Variants in RAB12 observed in about 807,000 individuals in gnomAD.
RAB12 encodes RAB12, member RAS oncogene family, also known as ras-related protein Rab-12.
RAB12 carries 11 observed loss-of-function variants against 28.4 expected under a neutral mutation model. The ratio of observed to expected loss-of-function variants is 0.39; its 90% CI spans 0.24 to 0.64. The LOEUF (loss-of-function observed/expected upper bound fraction) is 0.64, where lower values mean the gene tolerates loss of function less well. Among genes scored for constraint, RAB12 ranks in the 30% least tolerant of loss-of-function variants. The probability of loss-of-function intolerance (pLI) is 0.50; values close to 1 mark genes in which losing one functional copy is unlikely to be tolerated. For missense variants in RAB12, 276 were observed against 351.1 expected, an observed-to-expected ratio of 0.79 and a Z score of 1.71; for synonymous variants, 138 against 145.3, an observed-to-expected ratio of 0.95 and a Z score of 0.36.
intron 1 of RAB12, among the ~76,000 whole-genome samples, chr18:8,613,826 TA>T (rs2096005176): frequency 8.3e-6 from 1 of 120,676 alleles, no homozygotes; most frequent in Admixed American, 9.2e-5. Context: ...TGCCTATAAA[TA>T]GAAGTAGTAG....
chr18:8,636,914 TTA>T (rs766317839), intron 5 of RAB12, among the ~76,000 whole-genome samples: 2 of 152,200 alleles, frequency 1.3e-5, no homozygotes, highest in African/African-American at 2.4e-5. Flanking sequence ...GAACTGAAGT[TTA>T]TGTTATTAAG....
In RAB12 at chr18:8,620,122, C is replaced by CT. The variant is rs1305957741; in HGVS notation, c.515-4806dup. Among the ~76,000 whole-genome samples, 159 of 29,296 alleles carry CT rather than the reference C, an allele frequency of 5.4e-3. 3 individuals carry two copies. In the East Asian group the frequency reaches 0.094, roughly 17 times the overall value. 19.2% of individuals were successfully genotyped at this position (29,296 alleles called of 152,430 possible). A position where few individuals can be genotyped will look rare whatever the true frequency, so the allele number is the denominator to read the frequency against. On this transcript the variant is annotated intron_variant, in intron 1 of 5. Transcript: ENST00000649141. ...ACTCCAGCCTGGGTGACAAAGCCTTCTTTTTTTTTTCTTCTTCTTTTTTTT... is the reference window on the plus strand; with the variant it reads ...ACTCCAGCCTGGGTGACAAAGCCTTCTTTTTTTTTTTCTTCTTCTTTTTTTT...
At chr18:8,630,400 G>T (rs1449581892) in intron 2 of RAB12, among the ~76,000 whole-genome samples, 2 of 152,210 alleles carry the variant, frequency 1.3e-5, no homozygotes, top group Non-Finnish European at 2.9e-5. Context: ...GGGTTGTGGA[G>T]ACCTAGGTTT....
At chr18:8,637,928 T>TGAGGAG (rs367637160) in intron 5 of RAB12, among the ~76,000 whole-genome samples, 2 of 151,300 alleles carry the variant, frequency 1.3e-5, no homozygotes, top group East Asian at 1.9e-4. Flanking sequence ...TTGAGTAGGC[T>TGAGGAG]GAGGAGGAGG....
At position 8,620,236 on chromosome 18, in the gene RAB12, C is replaced by T. The variant is rs113639322; in HGVS notation, c.515-4702C>T. Among the ~76,000 whole-genome samples the T allele has an allele frequency of 1.0e-2, 1,385 of 138,550 alleles. 24 individuals carry two copies. Among genetic ancestry groups the T allele is most frequent in the African/African-American group, 0.035 (1,316 of 37,296 alleles). The allele number at this position is 138,550 out of a possible 152,430, so 90.9% of individuals were successfully genotyped here. On this transcript the variant is annotated intron_variant, in intron 1 of 5. Coordinates refer to ENST00000649141, the MANE Select transcript of RAB12 (RefSeq NM_001025300.3). ...GATAATACTGTATCTCTGTAGCCTG[C>T]GTGCTTTTAGAAAGCATTGTTAAAA...
intron 1 of RAB12, among the ~76,000 whole-genome samples, chr18:8,622,049 T>C (rs2096010135): frequency 6.6e-6 from 1 of 152,098 alleles, no homozygotes. Flanking sequence ...GTTGTTCAAG[T>C]TGGTTGGGAA....
intron 2 of RAB12, among the ~76,000 whole-genome samples, chr18:8,632,282 CA>C (rs397859076): frequency 0.068 from 4,007 of 58,850 alleles, 107 homozygotes; most frequent in African/African-American, 0.19. Flanking sequence ...ACTCTGTCTC[CA>C]AAAAAAAAAA....
intron 1 of RAB12, among the ~76,000 whole-genome samples, chr18:8,624,524 C>T (rs1417324575): frequency 6.6e-6 from 1 of 152,164 alleles, no homozygotes; most frequent in African/African-American, 2.4e-5. Context: ...GGCTATTTGA[C>T]TAAAGTTGAT....
intron 2 of RAB12, chr18:8,632,927 G>T (rs938894485): frequency 7.0e-6 from 3 of 429,212 alleles, no homozygotes; most frequent in Non-Finnish European, 1.2e-5. Flanking sequence ...ATTCAGGAGA[G>T]TATGTTGATC....
chr18:8,633,907 C>G (rs1395163844), intron 3 of RAB12, among the ~76,000 whole-genome samples: 3 of 152,154 alleles, frequency 2.0e-5, no homozygotes, highest in African/African-American at 7.2e-5. Context: ...TTCCCAAATA[C>G]ACATTTAGAA....
chr18:8,621,897 A>G (rs1199876026), intron 1 of RAB12, among the ~76,000 whole-genome samples: 3 of 152,228 alleles, frequency 2.0e-5, no homozygotes, highest in East Asian at 3.8e-4. Flanking sequence ...TATTAGAACT[A>G]ATAATGTGTT....
At chr18:8,622,361 G>A (rs552778208) in intron 1 of RAB12, among the ~76,000 whole-genome samples, 11 of 152,234 alleles carry the variant, frequency 7.2e-5, no homozygotes, top group Middle Eastern at 3.4e-3. Flanking sequence ...TTCCCTAAGC[G>A]TCGGCCGGTT....
At position 8,633,269 on chromosome 18, in the gene RAB12, A is replaced by G. The variant is rs1425905495; in HGVS notation, c.656A>G (p.Asp219Gly). Reference sequence around the variant, plus strand: ...GCCAAGGGGATCATATTAGTATATGATATCACTAAGAAGGAGACATTTGAT... The same window carrying G: ...GCCAAGGGGATCATATTAGTATATGGTATCACTAAGAAGGAGACATTTGAT... ...RSAKGIILVYDITKKETFDDL... is the reference protein window; with the variant it reads ...RSAKGIILVYGITKKETFDDL... The change falls in exon 3 of 6, where the codon GAT becomes GGT. Residue 219 changes from aspartate (D) to glycine (G), a missense_variant. Asp to Gly is a moderately conservative substitution (Grantham distance 94). Coordinates refer to ENST00000649141, the MANE Select transcript of RAB12 (RefSeq NM_001025300.3). The G allele has an allele frequency of 6.2e-7, 1 of 1,614,024 alleles. No homozygotes were observed. The highest frequency in any genetic ancestry group is 1.1e-5 in the South Asian group (1 of 91,076).
At chr18:8,629,237 CT>C (rs2096014564) in intron 2 of RAB12, among the ~76,000 whole-genome samples, 1 of 152,166 alleles carries the variant, frequency 6.6e-6, no homozygotes, top group African/African-American at 2.4e-5. Context: ...AAGTATACCC[CT>C]AAATGCCTAG....
At chr18:8,630,528 C>A (rs2096015344) in intron 2 of RAB12, among the ~76,000 whole-genome samples, 1 of 152,150 alleles carries the variant, frequency 6.6e-6, no homozygotes, top group Admixed American at 6.5e-5. Flanking sequence ...GAATGTCTGA[C>A]CCCCACTGCT....
Position 8,609,924 on chromosome 18 carries a change from C to T in RAB12, c.485C>T (p.Thr162Ile), listed in dbSNP as rs568173526. Residue 162 changes from threonine (T) to isoleucine (I), a missense_variant, in exon 1 of 6, where the codon ACC (threonine) becomes ATC (isoleucine). Around this residue, in one of 4 missense-constraint regions of RAB12, gnomAD observed 76 missense variants for 117.9 expected, o/e 0.64. Coordinates refer to ENST00000649141, the MANE Select transcript of RAB12 (RefSeq NM_001025300.3). ...CTGATGGAGCGCTTCACCGACGACA[C>T]CTTCTGCGAGGCCTGCAAGTCCACC... ...TSLMERFTDD[T>I]FCEACKSTVG... 4 of 1,609,374 alleles carry T rather than the reference C, an allele frequency of 2.5e-6. No homozygotes were observed. In the South Asian group the frequency reaches 4.4e-5, roughly 18 times the overall value.
chr18:8,636,003 T>C (rs971291823), intron 4 of RAB12, among the ~76,000 whole-genome samples: 1 of 152,256 alleles, frequency 6.6e-6, no homozygotes, highest in African/African-American at 2.4e-5. Context: ...TGTTACACTT[T>C]TAGAAACTTA....
At chr18:8,621,538 G>C (rs2096009859) in intron 1 of RAB12, among the ~76,000 whole-genome samples, 1 of 152,158 alleles carries the variant, frequency 6.6e-6, no homozygotes, top group Non-Finnish European at 1.5e-5. Flanking sequence ...CTGTTGTGTT[G>C]TTAATTGTCA....
At chr18:8,621,237 C>G (rs2096009723) in intron 1 of RAB12, among the ~76,000 whole-genome samples, 1 of 152,000 alleles carries the variant, frequency 6.6e-6, no homozygotes, top group African/African-American at 2.4e-5. Context: ...GACTTTTTTC[C>G]TTTTATTGAG....
Sources: allele counts gnomAD v4.1 joint callset (sites outside exome capture counted in the v4.1 genomes callset), GRCh38; gene constraint gnomAD v4.1.1; regional missense constraint gnomAD v4.1.1; transcripts MANE v1.5; gene names NCBI Gene and HGNC (gene_info 2026-07-23, HGNC 2026-07-21).